Variants in GREB1 observed in about 807,000 individuals in gnomAD.
GREB1 encodes growth regulating estrogen receptor binding 1.
In GREB1, 106 loss-of-function variants were observed where a neutral mutation model predicts 200.7. The ratio of observed to expected loss-of-function variants is 0.53; its 90% CI spans 0.45 to 0.62. GREB1 has a LOEUF of 0.62. GREB1 is among the 20% of genes least tolerant of loss of function. The pLI, the probability that GREB1 is intolerant of heterozygous loss-of-function variation, is 0.00. For missense variants in GREB1, 2,243 were observed against 2,556.8 expected, an observed-to-expected ratio of 0.88 and a Z score of 2.65; for synonymous variants, 1,132 against 1,092.4, an observed-to-expected ratio of 1.04 and a Z score of -0.72.
intron 10 of GREB1, 127 bp downstream of exon 10, chr2:11,589,058 C>A: frequency 1.4e-6 from 1 of 715,208 alleles, no homozygotes; most frequent in Non-Finnish European, 2.4e-6. Context: ...GAGCTTATGG[C>A]TTCACTGGCG....
intron 4 of GREB1, among the ~76,000 whole-genome samples, chr2:11,569,125 G>A (rs1030661796): frequency 2.3e-4 from 35 of 152,204 alleles, no homozygotes; most frequent in African/African-American, 8.2e-4. Flanking sequence ...AAATCTAGGT[G>A]TGTGTTTCAG....
At chr2:11,616,957 G>A (rs942399832) in intron 21 of GREB1, among the ~76,000 whole-genome samples, 1 of 152,226 alleles carries the variant, frequency 6.6e-6, no homozygotes, top group African/African-American at 2.4e-5. Flanking sequence ...TGTGCTCAGG[G>A]GAGGACCGTG....
At chr2:11,500,363 T>C (rs745941380) in intron 1 of GREB1, among the ~76,000 whole-genome samples, 4 of 152,178 alleles carry the variant, frequency 2.6e-5, no homozygotes, top group Admixed American at 1.3e-4. Context: ...GGTTTCACCA[T>C]GTTGGCCAGG....
intron 9 of GREB1, chr2:11,587,545 C>T: frequency 2.6e-6 from 4 of 1,541,048 alleles, no homozygotes; most frequent in South Asian, 1.2e-5. Flanking sequence ...GTTTGGCAAG[C>T]CCTTGAGAAG....
intron 1 of GREB1, among the ~76,000 whole-genome samples, chr2:11,510,029 T>C (rs1673304530): frequency 6.6e-6 from 1 of 152,230 alleles, no homozygotes; most frequent in Non-Finnish European, 1.5e-5. Context: ...TATTGATATG[T>C]CTGTTGGGTT....
rs546469465 is a variant in GREB1, at chr2:11,504,646, T to G, written c.-159+22265T>G. ...GTGTGGGTTCTTTCACCTAGTGTAA[T>G]GTTTTCAAGTTTCATCCATGTTGTA... On this transcript the variant is annotated intron_variant, in intron 1 of 2. Transcript: ENST00000628795. Among the ~76,000 whole-genome samples, 6 of 152,380 alleles carry G rather than the reference T, an allele frequency of 3.9e-5. No homozygotes were observed. The East Asian group carries it at 1.2e-3, about 29-fold the overall frequency.
intron 32 of GREB1, among the ~76,000 whole-genome samples, chr2:11,639,405 A>G (rs1685643194): frequency 6.6e-6 from 1 of 151,912 alleles, no homozygotes; most frequent in Non-Finnish European, 1.5e-5. Context: ...TTCTTTTCCA[A>G]CCCAAATCCT....
At chr2:11,523,260 G>GA (rs1401364877) in intron 1 of GREB1, among the ~76,000 whole-genome samples, 1 of 152,024 alleles carries the variant, frequency 6.6e-6, no homozygotes, top group African/African-American at 2.4e-5. Context: ...GGGAGGATCA[G>GA]AAAAAATAAC....
chr2:11,555,478 A>G (rs1676340194), intron 1 of GREB1, among the ~76,000 whole-genome samples: 1 of 152,230 alleles, frequency 6.6e-6, no homozygotes, highest in African/African-American at 2.4e-5. Context: ...TTATGTGAAT[A>G]CAATCTCCCA....
chr2:11,569,335 G>T (rs1271021128), intron 4 of GREB1, among the ~76,000 whole-genome samples: 4 of 152,176 alleles, frequency 2.6e-5, no homozygotes, highest in South Asian at 2.1e-4. Flanking sequence ...GGGGCTGGGT[G>T]GGGGGATGCA....
At chr2:11,554,708 G>C (rs1049786632) in intron 1 of GREB1, among the ~76,000 whole-genome samples, 1 of 152,182 alleles carries the variant, frequency 6.6e-6, no homozygotes, top group Admixed American at 6.5e-5. Flanking sequence ...GACATACAAG[G>C]ATATAGAACA....
intron 9 of GREB1, chr2:11,587,361 C>G: frequency 6.3e-7 from 1 of 1,580,128 alleles, no homozygotes; most frequent in East Asian, 2.2e-5. Context: ...AACTCTTTAC[C>G]TTGCCTCTTG....
intron 18 of GREB1, chr2:11,612,263 A>T: frequency 1.7e-6 from 2 of 1,198,534 alleles, no homozygotes; most frequent in Non-Finnish European, 2.1e-6. Flanking sequence ...TGGTCAGCTG[A>T]TAGAGATGTC....
chr2:11,486,315 T>A (rs1271579858), intron 1 of GREB1, among the ~76,000 whole-genome samples: 1 of 152,062 alleles, frequency 6.6e-6, no homozygotes. Context: ...TTAAAAAAAA[T>A]TTAGTTTTAA....
In GREB1 at chr2:11,534,079, A is replaced by G. The variant is rs935732576; in HGVS notation, c.-337A>G. On this transcript the variant is annotated 5_prime_UTR_variant, in exon 1 of 33. Transcript: ENST00000381486. ...TTAAGAGATACATAAATACTGCAGT[A>G]GAGATGGGATTTTACCTCAAAGTGC... 9.2e-5 allele frequency: 14 copies of G among 152,236 alleles called. No homozygotes were observed. The highest frequency in any genetic ancestry group is 3.4e-4 in the African/African-American group (14 of 41,454). 9.4% of individuals were successfully genotyped at this position (152,236 alleles called of 1,614,324 possible). A position where few individuals can be genotyped will look rare whatever the true frequency, so the allele number is the denominator to read the frequency against.
intron 14 of GREB1, 25 bp from the exon 15 acceptor site, chr2:11,598,655 C>A: frequency 6.2e-7 from 1 of 1,609,172 alleles, no homozygotes; most frequent in Non-Finnish European, 8.5e-7. Context: ...TTTGCAGTTA[C>A]TGATGTATGT....
intron 4 of GREB1, 136 bp downstream of exon 4, chr2:11,566,792 G>A (rs1343117553): frequency 1.4e-6 from 1 of 699,094 alleles, no homozygotes; most frequent in African/African-American, 1.8e-5. Context: ...CCCTGTTTCT[G>A]TTTTTTGGTA....
chr2:11,588,900 C>T lies in GREB1; in HGVS notation c.1314C>T (p.Leu438=), dbSNP rs149895684. ...AIQPISEEMQ[L]LLTVYYLVQL... ...AGCCCATCTCCGAGGAGATGCAGCT[C>T]CTGCTTACCGTCTACTACCTGGTCC... The change falls in exon 10 of 33, where the codon CTC becomes CTT. Residue 438 remains leucine (L), a synonymous_variant. Transcript: ENST00000381486. 3 of 1,614,060 alleles carry T rather than the reference C, an allele frequency of 1.9e-6. No homozygotes were observed. The highest frequency in any genetic ancestry group is 2.7e-5 in the African/African-American group (2 of 74,932).
At chr2:11,550,138 A>G (rs1224121049) in intron 1 of GREB1, among the ~76,000 whole-genome samples, 1 of 152,226 alleles carries the variant, frequency 6.6e-6, no homozygotes, top group Non-Finnish European at 1.5e-5. Context: ...GAATCGCTTG[A>G]ACCTGAGAGG....
Sources: gnomAD v4.1 joint callset for allele counts (sites outside exome capture counted in the v4.1 genomes callset) on GRCh38, gnomAD v4.1.1 for gene constraint, MANE v1.5 for transcripts, NCBI Gene and HGNC (gene_info 2026-07-23, HGNC 2026-07-21) for gene names.